CALHM4: variants seen among roughly 807,000 people sequenced by gnomAD.
CALHM4 encodes calcium homeostasis modulator family member 4, also known as calcium homeostasis modulator protein 4.
Under a neutral mutation model 13.3 loss-of-function variants are expected in CALHM4, and 16 were observed. That is an observed-to-expected ratio of 1.20 (90% CI 0.81 to 1.82). The LOEUF (loss-of-function observed/expected upper bound fraction) is 1.82, where lower values mean the gene tolerates loss of function less well. CALHM4 is among the 40% of genes most tolerant of loss of function. The pLI, the probability that CALHM4 is intolerant of heterozygous loss-of-function variation, is 0.00. For missense variants in CALHM4, 344 were observed against 374.9 expected, an observed-to-expected ratio of 0.92 and a Z score of 0.68; for synonymous variants, 127 against 137.1, an observed-to-expected ratio of 0.93 and a Z score of 0.52.
chr6:116,540,599 C>CGAGCTCAAGTGA, intron 1 of CALHM4: 1 of 826,702 alleles, frequency 1.2e-6, no homozygotes. Flanking sequence ...AGTCAAATGG[C>CGAGCTCAAGTGA]TTTTGGCTGT....
chr6:116,540,520 A>C, intron 1 of CALHM4: 1 of 1,498,524 alleles, frequency 6.7e-7, no homozygotes, highest in Non-Finnish European at 9.1e-7. Context: ...GAAGTCTGTC[A>C]GTTTTTAAGA....
intron 1 of CALHM4, among the ~76,000 whole-genome samples, chr6:116,530,785 T>C (rs1317294384): frequency 1.3e-5 from 2 of 151,456 alleles, no homozygotes; most frequent in African/African-American, 4.9e-5. Context: ...GCATACTAAA[T>C]GGAGTCTGCA....
At chr6:116,557,152 A>G (rs1774360081) in intron 1 of CALHM4, among the ~76,000 whole-genome samples, 1 of 151,818 alleles carries the variant, frequency 6.6e-6, no homozygotes, top group African/African-American at 2.4e-5. Context: ...TGGCCAGGCT[A>G]TTCTCAAACT....
At position 116,558,447 on chromosome 6, in the gene CALHM4, G is replaced by T; in HGVS notation, c.*236G>T. 2.2e-6 allele frequency: 1 copy of T among 453,194 alleles called. No individual in the cohort carries two copies. Among genetic ancestry groups the T allele is most frequent in the Non-Finnish European group, 3.9e-6 (1 of 258,034 alleles). 28.1% of individuals were successfully genotyped at this position (453,194 alleles called of 1,614,324 possible). The stretch of plus-strand genomic sequence containing the variant: ...CCTAGAGTGGAATGTGAAGTCACAT[G>T]GAAATTTGCATCTTAGTTCTGTTAC... On this transcript the variant is annotated 3_prime_UTR_variant, in exon 2 of 2. Coordinates refer to ENST00000368596, the MANE Select transcript of CALHM4 (RefSeq NM_001366078.2).
At chr6:116,543,411 A>C (rs967308786) in intron 1 of CALHM4, 3 of 1,540,036 alleles carry the variant, frequency 1.9e-6, no homozygotes, top group Non-Finnish European at 2.6e-6. Context: ...CTGGAGAAAA[A>C]GGGGTAGTTT....
chr6:116,529,933 T>G (rs1454139387), intron 1 of CALHM4, among the ~76,000 whole-genome samples: 1 of 152,062 alleles, frequency 6.6e-6, no homozygotes, highest in Non-Finnish European at 1.5e-5. Context: ...ACTCTAAAAC[T>G]GAGTTTTACA....
intron 1 of CALHM4, chr6:116,540,418 C>G: frequency 1.3e-6 from 2 of 1,551,286 alleles, no homozygotes; most frequent in Admixed American, 3.9e-5. Flanking sequence ...CACGCAGGAT[C>G]GAGCCAAAAA....
At chr6:116,530,915 A>G (rs1772667270) in intron 1 of CALHM4, among the ~76,000 whole-genome samples, 1 of 137,604 alleles carries the variant, frequency 7.3e-6, no homozygotes, top group Non-Finnish European at 1.6e-5. Context: ...ATATATATAT[A>G]TATATATATA....
chr6:116,541,859 A>G (rs1362864251), intron 1 of CALHM4, among the ~76,000 whole-genome samples: 1 of 152,204 alleles, frequency 6.6e-6, no homozygotes, highest in Non-Finnish European at 1.5e-5. Context: ...ATGTTTCTGC[A>G]AAGTAGATAT....
At chr6:116,541,605 GT>G (rs1237670117) in intron 1 of CALHM4, among the ~76,000 whole-genome samples, 1 of 152,162 alleles carries the variant, frequency 6.6e-6, no homozygotes, top group East Asian at 1.9e-4. Flanking sequence ...GAAATATTCA[GT>G]TTAGCTTCCT....
At chr6:116,543,789 T>G (rs773663930) in exon 2 of CALHM4, 239 of 1,528,722 alleles carry the variant, frequency 1.6e-4, no homozygotes, top group Admixed American at 1.4e-4. Context: ...TGGATAAGAC[T>G]TCTCAGGCGT....
intron 2 of CALHM4, among the ~76,000 whole-genome samples, chr6:116,545,073 A>C (rs956159144): frequency 1.1e-4 from 17 of 151,510 alleles, no homozygotes; most frequent in African/African-American, 4.1e-4. Context: ...ATTTCGATTC[A>C]GTTTTACACA....
Position 116,558,320 on chromosome 6 carries a change from AT to A in CALHM4, c.*112del, listed in dbSNP as rs1774436604. The A allele has an allele frequency of 8.4e-6, 10 of 1,192,854 alleles. No homozygotes were observed. The South Asian group carries it at 1.6e-4, about 20-fold the overall frequency. 73.9% of individuals were successfully genotyped at this position (1,192,854 alleles called of 1,614,324 possible). ...CTTCATCTTTTTCTTTCTCTCTGATATTTGTTTACGTAAGTCCATCTCAAAT... is the reference window on the plus strand; with the variant it reads ...CTTCATCTTTTTCTTTCTCTCTGATATTGTTTACGTAAGTCCATCTCAAAT... On this transcript the variant is annotated 3_prime_UTR_variant, in exon 2 of 2. Transcript: ENST00000368596.
At chr6:116,544,761 A>C (rs1451358569) in intron 2 of CALHM4, among the ~76,000 whole-genome samples, 1 of 152,130 alleles carries the variant, frequency 6.6e-6, no homozygotes, top group African/African-American at 2.4e-5. Flanking sequence ...AAACTGAAGT[A>C]TGCTAGTTAG....
intron 1 of CALHM4, chr6:116,543,641 T>A (rs1773596347): frequency 1.5e-6 from 1 of 671,548 alleles, no homozygotes; most frequent in African/African-American, 1.8e-5. Flanking sequence ...CATGATAACA[T>A]CTTTCTATGC....
rs889944302 is a variant in CALHM4, at chr6:116,547,733, T to C, written c.-1+3861T>C. Among the ~76,000 whole-genome samples the C allele has an allele frequency of 7.9e-5, 12 of 152,250 alleles. 1 individual carries two copies. The highest frequency in any genetic ancestry group is 2.9e-4 in the African/African-American group (12 of 41,464). ...GGTACATGATCTATAATGTCTGCCC[T>C]GGCAGCCAACTAGGAAAGAATTATT... On this transcript the variant is annotated intron_variant, in intron 2 of 2. Transcript: ENST00000368597.
At chr6:116,529,424 G>C (rs1049358923) in intron 1 of CALHM4, among the ~76,000 whole-genome samples, 1 of 152,150 alleles carries the variant, frequency 6.6e-6, no homozygotes, top group African/African-American at 2.4e-5. Context: ...TAATGGAAGG[G>C]AAATATGGGG....
At chr6:116,543,986 G>C in intron 2 of CALHM4, 1 of 893,464 alleles carries the variant, frequency 1.1e-6, no homozygotes, top group Non-Finnish European at 1.7e-6. Flanking sequence ...TAAAACTTAA[G>C]ACAATTTAGG....
chr6:116,543,360 G>A (rs1303444215), intron 1 of CALHM4: 13 of 1,549,906 alleles, frequency 8.4e-6, no homozygotes, highest in Non-Finnish European at 1.1e-5. Flanking sequence ...ACACAGCTGG[G>A]CAACCAGAGC....
Sources: allele counts gnomAD v4.1 joint callset (sites outside exome capture counted in the v4.1 genomes callset), GRCh38; gene constraint gnomAD v4.1.1; transcripts MANE v1.5; gene names NCBI Gene and HGNC (gene_info 2026-07-23, HGNC 2026-07-21).